COBLL1: variants seen among roughly 807,000 people sequenced by gnomAD.
The protein encoded by COBLL1 is cordon-bleu WH2 repeat protein like 1.
Under a neutral mutation model 94.8 loss-of-function variants are expected in COBLL1, and 50 were observed. The observed-to-expected ratio is 0.53, with a 90% confidence interval of 0.42 to 0.67. The LOEUF (loss-of-function observed/expected upper bound fraction) is 0.67, where lower values mean the gene tolerates loss of function less well. COBLL1 is among the 30% of genes least tolerant of loss of function. The probability of loss-of-function intolerance (pLI) is 0.00; values close to 1 mark genes in which losing one functional copy is unlikely to be tolerated. For missense variants in COBLL1, 1,362 were observed against 1,348.7 expected (o/e 1.01, Z -0.15); for synonymous variants, 448 against 473.8 (o/e 0.95, Z 0.71).
At chr2:164,680,177 G>A (rs1268029330), downstream of COBLL1, 7 of 151,830 alleles carry the variant, frequency 4.6e-5, no homozygotes, top group African/African-American at 9.7e-5. Context: ...GAGTGCAATC[G>A]GTCACTGTAA....
intron 2 of COBLL1, among the ~76,000 whole-genome samples, chr2:164,810,009 TACTTTAGAAAA>T (rs1294663223): frequency 6.6e-6 from 1 of 151,776 alleles, no homozygotes; most frequent in African/African-American, 2.4e-5. Flanking sequence ...TAGAAAATTT[TACTTTAGAAAA>T]AATAAAACAA....
intron 2 of COBLL1, among the ~76,000 whole-genome samples, chr2:164,818,467 C>CACATATTTACAATGTATACATAT (rs1265101398): frequency 6.7e-6 from 1 of 148,774 alleles, no homozygotes; most frequent in South Asian, 2.1e-4. Context: ...TATACATATA[C>CACATATTTACAATGTATACATAT]ACATATTTAC....
At chr2:164,785,292 G>A (rs1200922041) in intron 2 of COBLL1, among the ~76,000 whole-genome samples, 1 of 152,160 alleles carries the variant, frequency 6.6e-6, no homozygotes, top group Admixed American at 6.6e-5. Flanking sequence ...GGGAGGCCGA[G>A]GCACAAGAAT....
At chr2:164,817,204 C>T (rs1004588869) in intron 2 of COBLL1, among the ~76,000 whole-genome samples, 1 of 151,962 alleles carries the variant, frequency 6.6e-6, no homozygotes, top group African/African-American at 2.4e-5. Flanking sequence ...TCTGGATTAA[C>T]CAAACAACTT....
intron 2 of COBLL1, among the ~76,000 whole-genome samples, chr2:164,806,426 T>C (rs1001264730): frequency 6.6e-6 from 1 of 152,230 alleles, no homozygotes; most frequent in African/African-American, 2.4e-5. Flanking sequence ...TTTACAACCA[T>C]ACTTAGAGGA....
At chr2:164,800,417 T>A (rs753144545) in intron 2 of COBLL1, 47 of 601,448 alleles carry the variant, frequency 7.8e-5, no homozygotes, top group Non-Finnish European at 1.8e-5. Flanking sequence ...ATACCAACGA[T>A]ACTATGTTGG....
At chr2:164,697,350 T>C (rs1393090781) in intron 11 of COBLL1, 1 of 152,154 alleles carries the variant, frequency 6.6e-6, no homozygotes, top group African/African-American at 2.4e-5. Context: ...ACTATTTTGA[T>C]TTACAAAATT....
At chr2:164,744,852 T>A (rs1216469443) in intron 2 of COBLL1, among the ~76,000 whole-genome samples, 1 of 152,080 alleles carries the variant, frequency 6.6e-6, no homozygotes, top group Non-Finnish European at 1.5e-5. Flanking sequence ...AACTAACTTA[T>A]AACAGAAATA....
intron 5 of COBLL1, chr2:164,724,527 C>A (rs1027709812): frequency 2.0e-5 from 3 of 152,006 alleles, no homozygotes; most frequent in Admixed American, 1.3e-4. Flanking sequence ...AAATGAGTAG[C>A]AAATTTTTCT....
At chr2:164,814,941 G>C (rs964288160) in intron 2 of COBLL1, among the ~76,000 whole-genome samples, 1 of 152,140 alleles carries the variant, frequency 6.6e-6, no homozygotes, top group African/African-American at 2.4e-5. Flanking sequence ...CAGCATTTTA[G>C]TCTCTTTCTC....
chr2:164,714,085 C>G (rs1007135985), intron 7 of COBLL1, among the ~76,000 whole-genome samples: 3 of 151,892 alleles, frequency 2.0e-5, no homozygotes, highest in Non-Finnish European at 2.9e-5. Context: ...TAGTAGAATT[C>G]AGGAGTCTCT....
intron 2 of COBLL1, among the ~76,000 whole-genome samples, chr2:164,827,351 TA>T (rs1685486535): frequency 6.6e-6 from 1 of 152,206 alleles, no homozygotes; most frequent in Non-Finnish European, 1.5e-5. Flanking sequence ...TTTATTTTTT[TA>T]AAAAGGACAA....
chr2:164,841,531 A>T lies in COBLL1; in HGVS notation c.-51+179T>A, dbSNP rs1352512434. The T allele has an allele frequency of 3.3e-6, 3 of 911,880 alleles. No homozygotes were observed. The African/African-American group carries it at 5.3e-5, about 16-fold the overall frequency. The allele number at this position is 911,880 out of a possible 1,614,324, so 56.5% of individuals were successfully genotyped here. A position where few individuals can be genotyped will look rare whatever the true frequency, so the allele number is the denominator to read the frequency against. On this transcript the variant is annotated intron_variant, in intron 1 of 13. Transcript: ENST00000652658. This position sits in a 1 kb window ranked among gnomAD's most constrained non-coding sequence, Gnocchi z 5.5. Reference sequence around the variant, plus strand: ...ATTTGGCGCCTCTCGGAGGGAGAGGAGCCGCCGGGGCTGGAAAAGGAGGAG... The same window carrying T: ...ATTTGGCGCCTCTCGGAGGGAGAGGTGCCGCCGGGGCTGGAAAAGGAGGAG...
intron 3 of COBLL1, among the ~76,000 whole-genome samples, chr2:164,736,337 C>A (rs1024000961): frequency 4.6e-5 from 7 of 151,922 alleles, no homozygotes; most frequent in Non-Finnish European, 8.8e-5. Flanking sequence ...ATGAAATGTA[C>A]CAGGTACACG....
At chr2:164,787,355 TGCATG>T (rs1269470615) in intron 2 of COBLL1, among the ~76,000 whole-genome samples, 1 of 152,196 alleles carries the variant, frequency 6.6e-6, no homozygotes, top group Non-Finnish European at 1.5e-5. Context: ...GCAGATCTAA[TGCATG>T]GCATGGTGAC....
chr2:164,742,733 T>C (rs1162424094), intron 3 of COBLL1, among the ~76,000 whole-genome samples: 3 of 151,534 alleles, frequency 2.0e-5, no homozygotes, highest in Admixed American at 6.6e-5. Flanking sequence ...AAGTTACACA[T>C]GATTTTAATG....
chr2:164,675,309 T>A (rs1558905463), downstream of COBLL1, among the ~76,000 whole-genome samples: 1 of 152,184 alleles, frequency 6.6e-6, no homozygotes, highest in Admixed American at 6.5e-5. Flanking sequence ...TTTCTTCTAA[T>A]CCCACTGTCA....
At position 164,737,524 on chromosome 2, in the gene COBLL1, A is replaced by C. The variant is rs1053628890; in HGVS notation, c.230+6163T>G. Among the ~76,000 whole-genome samples the C allele has an allele frequency of 5.9e-5, 9 of 152,288 alleles. No homozygotes were observed. In the East Asian group the frequency reaches 1.5e-3, roughly 26 times the overall value. On this transcript the variant is annotated intron_variant, in intron 3 of 13. Coordinates refer to ENST00000652658, the MANE Select transcript of COBLL1 (RefSeq NM_001365672.2). ...TTTAGGCAATTACAGCAGAATAAGG[A>C]TCTAAACCAAAATTTAAGCATCTTA...
intron 2 of COBLL1, among the ~76,000 whole-genome samples, chr2:164,825,220 G>T (rs1402468690): frequency 1.3e-5 from 2 of 152,114 alleles, no homozygotes; most frequent in African/African-American, 4.8e-5. Context: ...CTGTGACCCT[G>T]ATACTTTTAA....
Sources: gnomAD v4.1 joint callset for allele counts (sites outside exome capture counted in the v4.1 genomes callset) on GRCh38, gnomAD v4.1.1 for gene constraint, Gnocchi (gnomAD v3.1) non-coding constraint, MANE v1.5 for transcripts, NCBI Gene and HGNC (gene_info 2026-07-23, HGNC 2026-07-21) for gene names.